CLASP2: variants seen among roughly 807,000 people sequenced by gnomAD.
CLASP2 encodes the protein CLIP-associating protein 2.
CLASP2 carries 47 observed loss-of-function variants against 194.4 expected under a neutral mutation model. That is an observed-to-expected ratio of 0.24 (90% CI 0.19 to 0.31). The LOEUF is 0.31. Among genes scored for constraint, CLASP2 ranks in the 10% least tolerant of loss-of-function variants. CLASP2 has a pLI of 1.00. For synonymous variants in CLASP2, 619 were observed against 633.5 expected (o/e 0.98, Z 0.34); for missense variants, 1,445 against 1,823.6 (o/e 0.79, Z 3.78).
chr3:33,605,240 A>C (rs906992241), intron 16 of CLASP2, among the ~76,000 whole-genome samples: 11 of 152,194 alleles, frequency 7.2e-5, no homozygotes, highest in African/African-American at 2.7e-4. Flanking sequence ...AGATTTTAAA[A>C]AGATCTTCAG....
intron 31 of CLASP2, among the ~76,000 whole-genome samples, chr3:33,544,362 A>G (rs1301396619): frequency 6.6e-6 from 1 of 152,176 alleles, no homozygotes; most frequent in East Asian, 1.9e-4. Flanking sequence ...TTAGTCCTCA[A>G]ATAAGAATTG....
chr3:33,593,469 C>T (rs2069349484), intron 20 of CLASP2, among the ~76,000 whole-genome samples: 1 of 152,004 alleles, frequency 6.6e-6, no homozygotes, highest in Non-Finnish European at 1.5e-5. Context: ...AAAAAACATA[C>T]TAAATAATAA....
chr3:33,600,724 AAT>A, intron 18 of CLASP2, among the ~76,000 whole-genome samples: 1 of 152,342 alleles, frequency 6.6e-6, no homozygotes, highest in South Asian at 2.1e-4. Context: ...CTTTGTTGAA[AAT>A]ATGACTTGCT....
Position 33,538,817 on chromosome 3 carries a change from CT to C in CLASP2, c.3529del (p.Arg1177GlyfsTer90). On this transcript the variant is annotated frameshift_variant, in exon 33 of 39. Coordinates refer to ENST00000682230, the MANE Select transcript of CLASP2 (RefSeq NM_001365631.1). LOFTEE classifies it high-confidence loss of function. ...SQEDMNEPLKRDSKKDDGDSM... is the reference protein window; with the variant it reads ...SQEDMNEPLKXDSKKDDGDSM... ...ATCGCCATCATCTTTTTTAGAATCC[CT>C]TTTCAATGGCTCATTCATATCTTCT... 1 of 1,594,448 alleles carries C rather than the reference CT, an allele frequency of 6.3e-7. No individual in the cohort carries two copies. Among genetic ancestry groups the C allele is most frequent in the Non-Finnish European group, 8.5e-7 (1 of 1,170,794 alleles).
At chr3:33,571,602 G>T (rs185655109) in intron 25 of CLASP2, among the ~76,000 whole-genome samples, 9 of 151,188 alleles carry the variant, frequency 6.0e-5, no homozygotes, top group African/African-American at 2.2e-4. Context: ...GCCACTGTAT[G>T]CCAGCCTGGG....
chr3:33,657,699 A>T (rs2154329166), intron 7 of CLASP2, among the ~76,000 whole-genome samples: 1 of 152,202 alleles, frequency 6.6e-6, no homozygotes, highest in South Asian at 2.1e-4. Context: ...TTATTTTCTC[A>T]TTTATTTCCA....
At chr3:33,597,112 C>A (rs988252984) in intron 18 of CLASP2, among the ~76,000 whole-genome samples, 1 of 152,104 alleles carries the variant, frequency 6.6e-6, no homozygotes, top group Admixed American at 6.5e-5. Context: ...TAATATACCC[C>A]CAAATTCCAC....
At chr3:33,619,558 A>C (rs1220922793) in intron 12 of CLASP2, 45 bp downstream of exon 12, 1 of 1,422,608 alleles carries the variant, frequency 7.0e-7, no homozygotes, top group Non-Finnish European at 9.3e-7. Flanking sequence ...AAGAAACAAA[A>C]GTGGGGGGAG....
intron 34 of CLASP2, among the ~76,000 whole-genome samples, chr3:33,527,527 T>C (rs1231879931): frequency 6.6e-6 from 1 of 152,140 alleles, no homozygotes; most frequent in Non-Finnish European, 1.5e-5. Flanking sequence ...ACAGCTGAAT[T>C]CTACCAGATG....
intron 34 of CLASP2, among the ~76,000 whole-genome samples, chr3:33,521,021 A>G (rs1460819486): frequency 6.6e-6 from 1 of 152,168 alleles, no homozygotes; most frequent in Non-Finnish European, 1.5e-5. Flanking sequence ...AAGCACAGGG[A>G]TAGTACAACA....
chr3:33,559,107 A>G (rs1329465720), intron 29 of CLASP2, 200 bp downstream of exon 29: 3 of 673,968 alleles, frequency 4.5e-6, no homozygotes, highest in Non-Finnish European at 2.7e-6. Context: ...ATGCAGATGA[A>G]AACAAAAACA....
chr3:33,626,893 G>A (rs2078155755), intron 10 of CLASP2, 95 bp downstream of exon 10: 1 of 672,306 alleles, frequency 1.5e-6, no homozygotes, highest in Non-Finnish European at 2.5e-6. Context: ...TATTTTATAA[G>A]TGAATACCAT....
chr3:33,646,159 A>G (rs1179296900), intron 7 of CLASP2, among the ~76,000 whole-genome samples: 2 of 151,974 alleles, frequency 1.3e-5, no homozygotes, highest in African/African-American at 2.4e-5. Flanking sequence ...CTAGAATTAA[A>G]TAATTCCTAT....
At position 33,544,687 on chromosome 3, in the gene CLASP2, G is replaced by A. The variant is rs377534571; in HGVS notation, c.3297+11C>T. The A allele has an allele frequency of 6.6e-4, 1,059 of 1,603,992 alleles. 2 individuals carry two copies. The highest frequency in any genetic ancestry group is 8.2e-4 in the Non-Finnish European group (961 of 1,176,378). On this transcript the variant is annotated intron_variant, in intron 31 of 38. Transcript: ENST00000682230. ...CATTATATGATAGCCAAGAAAATAA[G>A]TAACAATTACCTGGGTTCCATTGCC...
chr3:33,689,873 G>A lies in CLASP2; in HGVS notation c.334C>T (p.Gln112Ter). The part of the protein sequence containing the change: ...DAKDKVRDEA[Q>*]TLILKLMDQV... ...TCCATTAACTTCAATATCAGAGTCT[G>A]AGCTTCATCTCGAACCTTGTCTTTG... Residue 112 changes from glutamine (Q) to a stop codon, truncating the protein, a stop_gained, in exon 3 of 39, where the codon CAG becomes TAG. Coordinates refer to ENST00000682230, the MANE Select transcript of CLASP2 (RefSeq NM_001365631.1). LOFTEE classifies it high-confidence loss of function. 1 of 1,599,922 alleles carries A rather than the reference G, an allele frequency of 6.3e-7. No homozygotes were observed. The highest frequency in any genetic ancestry group is 1.1e-5 in the South Asian group (1 of 87,812).
chr3:33,700,505 G>A (rs966980229), intron 1 of CLASP2, among the ~76,000 whole-genome samples: 11 of 151,898 alleles, frequency 7.2e-5, no homozygotes, highest in Admixed American at 7.2e-4. Context: ...ACAAATACTA[G>A]GTCTATTGAG....
At chr3:33,685,342 CA>C (rs56240569) in intron 5 of CLASP2, among the ~76,000 whole-genome samples, 8,701 of 47,524 alleles carry the variant, frequency 0.18, 148 homozygotes, top group African/African-American at 0.34. Context: ...AACTCCGTCT[CA>C]AAAAAAAAAA....
rs2093377799 is a variant in CLASP2, at chr3:33,718,077, G to A, written c.-75C>T. 3 of 1,393,886 alleles carry A rather than the reference G, an allele frequency of 2.2e-6. No homozygotes were observed. The South Asian group carries it at 4.6e-5, about 21-fold the overall frequency. The allele number at this position is 1,393,886 out of a possible 1,614,324, so 86.3% of individuals were successfully genotyped here. Reference sequence around the variant, plus strand: ...CGAGAGCCGCCCAGCCTCCAGTGCGGGTCCCCGCGGGAGCGGGCGGGACTC... The same window carrying A: ...CGAGAGCCGCCCAGCCTCCAGTGCGAGTCCCCGCGGGAGCGGGCGGGACTC... On this transcript the variant is annotated 5_prime_UTR_variant, in exon 1 of 39. Transcript: ENST00000682230.
chr3:33,708,069 T>C (rs922039357), intron 1 of CLASP2, among the ~76,000 whole-genome samples: 2 of 152,098 alleles, frequency 1.3e-5, no homozygotes, highest in Admixed American at 1.3e-4. Flanking sequence ...TCCCCATCTG[T>C]TTTGTGGTGA....
Sources: allele counts gnomAD v4.1 joint callset (sites outside exome capture counted in the v4.1 genomes callset), GRCh38; gene constraint gnomAD v4.1.1; transcripts MANE v1.5; gene names NCBI Gene and HGNC (gene_info 2026-07-23, HGNC 2026-07-21).